FLT1: variants seen among roughly 807,000 people sequenced by gnomAD.
The protein encoded by FLT1 is fms related receptor tyrosine kinase 1.
FLT1 carries 49 observed loss-of-function variants against 156.3 expected under a neutral mutation model. The observed-to-expected ratio is 0.31, with a 90% CI of 0.25 to 0.40. The LOEUF is 0.40. FLT1 is among the 10% of genes least tolerant of loss of function. The pLI, the probability that FLT1 is intolerant of heterozygous loss-of-function variation, is 1.00. For synonymous variants in FLT1, 594 were observed against 583.8 expected (o/e 1.02, Z -0.25); for missense variants, 1,322 against 1,637.2 (o/e 0.81, Z 3.32).
intron 25 of FLT1, among the ~76,000 whole-genome samples, chr13:28,313,224 C>T (rs1264227835): frequency 6.6e-6 from 1 of 152,082 alleles, no homozygotes; most frequent in African/African-American, 2.4e-5. Context: ...ATTGATTCAC[C>T]AGCCTCGGCC....
chr13:28,455,699 A>G (rs527532546), intron 3 of FLT1, among the ~76,000 whole-genome samples: 1 of 152,354 alleles, frequency 6.6e-6, no homozygotes, highest in South Asian at 2.1e-4. Context: ...ATGAGAAGAC[A>G]GGGCACAGAC....
chr13:28,327,603 A>G (rs1019634887), intron 19 of FLT1, 53 bp from the exon 20 acceptor site: 34 of 1,277,656 alleles, frequency 2.7e-5, no homozygotes, highest in Non-Finnish European at 5.7e-6. Context: ...CCAGTCAGCC[A>G]TTTGCCAGCC....
chr13:28,396,035 A>G (rs561218229), intron 12 of FLT1, among the ~76,000 whole-genome samples: 1 of 152,246 alleles, frequency 6.6e-6, no homozygotes, highest in African/African-American at 2.4e-5. Flanking sequence ...TCTGGAAAAT[A>G]CAAGAGCTAT....
Position 28,339,217 on chromosome 13 carries a change from G to A in FLT1, c.2439C>T (p.Leu813=). ...EVPLDEQCER[L]PYDASKWEFA... ...ACTCCCACTTGCTGGCATCATAAGGGAGCCGCTCACACTGCTCATCCAAAG... is the reference window on the plus strand; with the variant it reads ...ACTCCCACTTGCTGGCATCATAAGGAAGCCGCTCACACTGCTCATCCAAAG... The change falls in exon 17 of 30, where the codon CTC becomes CTT. Residue 813 remains leucine (L), a synonymous_variant. Transcript: ENST00000282397. 6.2e-7 allele frequency: 1 copy of A among 1,614,098 alleles called. No homozygotes were observed. Among genetic ancestry groups the A allele is most frequent in the Non-Finnish European group, 8.5e-7 (1 of 1,180,006 alleles).
chr13:28,325,434 T>G (rs1489589589), intron 20 of FLT1, among the ~76,000 whole-genome samples: 1 of 152,176 alleles, frequency 6.6e-6, no homozygotes, highest in East Asian at 1.9e-4. Context: ...GTGTGTGTCC[T>G]TAAGCGAATC....
chr13:28,380,046 T>G (rs938477966), intron 14 of FLT1, among the ~76,000 whole-genome samples: 1 of 152,194 alleles, frequency 6.6e-6, no homozygotes, highest in Non-Finnish European at 1.5e-5. Flanking sequence ...TCTTGCTATA[T>G]CAATCCTTTT....
chr13:28,344,888 A>T lies in FLT1; in HGVS notation c.2355+557T>A, dbSNP rs61950223. The stretch of plus-strand genomic sequence containing the variant: ...TGGCATATGACTCACTTCTCACTTG[A>T]CCTCCCAGGCTAAAGTGATTTTCCC... On this transcript the variant is annotated intron_variant, in intron 16 of 29. Transcript: ENST00000282397. Among the ~76,000 whole-genome samples, 1,228 of 129,276 alleles carry T rather than the reference A, an allele frequency of 9.5e-3. 5 individuals are homozygous for T. The highest frequency in any genetic ancestry group is 0.013 in the African/African-American group (445 of 33,382). 84.8% of individuals were successfully genotyped at this position (129,276 alleles called of 152,430 possible).
At position 28,301,246 on chromosome 13, in the gene FLT1, T is replaced by G. The variant is rs1870503930; in HGVS notation, c.*1921A>C. 1 of 232,806 alleles carries G rather than the reference T, an allele frequency of 4.3e-6. No homozygotes were observed. The highest frequency in any genetic ancestry group is 1.8e-4 in the South Asian group (1 of 5,514). The allele number at this position is 232,806 out of a possible 1,614,324, so 14.4% of individuals were successfully genotyped here. ...TTTAACCTCCTTCCAGTTACCTGAT[T>G]TATAAAATTGCCAGCTGTCACAGGT... is the stretch of plus-strand genomic sequence containing the variant. On this transcript the variant is annotated 3_prime_UTR_variant, in exon 30 of 30. Coordinates refer to ENST00000282397, the MANE Select transcript of FLT1 (RefSeq NM_002019.4).
In FLT1 at chr13:28,494,908, A is replaced by T. The variant is rs1296622545; in HGVS notation, c.-65T>A. 2 of 1,358,810 alleles carry T rather than the reference A, an allele frequency of 1.5e-6. No individual in the cohort carries two copies. The highest frequency in any genetic ancestry group is 3.0e-5 in the African/African-American group (2 of 65,900). The allele number at this position is 1,358,810 out of a possible 1,614,324, so 84.2% of individuals were successfully genotyped here. ...CCCCGCGGCCAACGACCCGGCCGCC[A>T]GAGTCCGTCCTCTCGTTCGCCGCCG... On this transcript the variant is annotated 5_prime_UTR_variant, in exon 1 of 30. Coordinates refer to ENST00000282397, the MANE Select transcript of FLT1 (RefSeq NM_002019.4).
intron 10 of FLT1, among the ~76,000 whole-genome samples, chr13:28,415,672 G>C (rs1306061179): frequency 1.3e-5 from 2 of 152,112 alleles, no homozygotes; most frequent in Non-Finnish European, 2.9e-5. Flanking sequence ...GAATACAATT[G>C]AGCACAGGCA....
intron 20 of FLT1, among the ~76,000 whole-genome samples, chr13:28,323,948 C>T (rs998191778): frequency 1.3e-5 from 2 of 152,206 alleles, no homozygotes; most frequent in East Asian, 3.8e-4. Context: ...AATGGCCTTT[C>T]ACCCTGGACT....
chr13:28,453,801 A>C (rs555541385), intron 3 of FLT1, among the ~76,000 whole-genome samples: 5 of 152,302 alleles, frequency 3.3e-5, no homozygotes, highest in African/African-American at 1.2e-4. Flanking sequence ...CATTTAACAA[A>C]GATTTACTGA....
At chr13:28,480,090 G>A (rs571409647) in intron 1 of FLT1, among the ~76,000 whole-genome samples, 1 of 152,244 alleles carries the variant, frequency 6.6e-6, no homozygotes, top group South Asian at 2.1e-4. Context: ...TGAGTTAAGG[G>A]TTGGACTCTT....
intron 1 of FLT1, among the ~76,000 whole-genome samples, chr13:28,474,633 AAGGTAGAT>A (rs1880446864): frequency 6.6e-6 from 1 of 152,062 alleles, no homozygotes; most frequent in Non-Finnish European, 1.5e-5. Flanking sequence ...TGGAGACAGG[AAGGTAGAT>A]TAGTGGTTGC....
intron 19 of FLT1, chr13:28,328,425 G>C (rs1871782613): frequency 6.6e-6 from 1 of 152,284 alleles, no homozygotes; most frequent in Non-Finnish European, 1.5e-5. Flanking sequence ...AGCCCACAAA[G>C]CAAGGACCAC....
intron 11 of FLT1, among the ~76,000 whole-genome samples, chr13:28,405,369 T>TGG (rs1305696730): frequency 6.6e-6 from 1 of 152,240 alleles, no homozygotes; most frequent in Non-Finnish European, 1.5e-5. Flanking sequence ...TTTTGCTTAC[T>TGG]GGGATCCCAC....
At chr13:28,477,693 C>T (rs1339723007) in intron 1 of FLT1, among the ~76,000 whole-genome samples, 2 of 152,184 alleles carry the variant, frequency 1.3e-5, no homozygotes, top group African/African-American at 2.4e-5. Context: ...TTTTCTCTAT[C>T]AGTGGCAGGA....
At chr13:28,449,190 G>A (rs958270045) in intron 3 of FLT1, among the ~76,000 whole-genome samples, 2 of 152,152 alleles carry the variant, frequency 1.3e-5, no homozygotes, top group Non-Finnish European at 2.9e-5. Context: ...GGCTAAGATA[G>A]GAGGATCAAT....
chr13:28,425,793 G>A (rs544089671), intron 10 of FLT1, among the ~76,000 whole-genome samples: 3 of 152,118 alleles, frequency 2.0e-5, no homozygotes, highest in South Asian at 2.1e-4. Context: ...CGGATGGGTC[G>A]ATAAATATTG....
Sources: gnomAD v4.1 joint callset for allele counts (sites outside exome capture counted in the v4.1 genomes callset) on GRCh38, gnomAD v4.1.1 for gene constraint, MANE v1.5 for transcripts, NCBI Gene and HGNC (gene_info 2026-07-23, HGNC 2026-07-21) for gene names.